PSME1: variants seen among roughly 807,000 people sequenced by gnomAD.
The protein encoded by PSME1 is proteasome activator complex subunit 1.
PSME1 carries 15 observed loss-of-function variants against 38.4 expected under a neutral mutation model. The ratio of observed to expected loss-of-function variants is 0.39; its 90% CI spans 0.26 to 0.60. The LOEUF (loss-of-function observed/expected upper bound fraction) is 0.60, where lower values mean the gene tolerates loss of function less well. Ranked by LOEUF, PSME1 falls within the 20% of genes least tolerant of loss-of-function variation. The probability of loss-of-function intolerance (pLI) is 0.53; values close to 1 mark genes in which losing one functional copy is unlikely to be tolerated. For missense variants in PSME1, 249 were observed against 305.6 expected, an observed-to-expected ratio of 0.81 and a Z score of 1.38; for synonymous variants, 106 against 106.8, an observed-to-expected ratio of 0.99 and a Z score of 0.05.
rs950509825 is a variant in PSME1, at chr14:24,136,455, A to T, written c.39+154A>T. ...CACCTGCGCCCCGGGGAGGGCGGCG[A>T]CTGCTGCCTGCGGGGAGAGGCGAGG... On this transcript the variant is annotated intron_variant, in intron 1 of 10. Coordinates refer to ENST00000206451, the MANE Select transcript of PSME1 (RefSeq NM_006263.4). The surrounding 1 kb of genome is among the most constrained non-coding windows in gnomAD (Gnocchi z 4.8). The T allele has an allele frequency of 1.0e-5, 7 of 700,932 alleles. No individual in the cohort carries two copies. The allele number at this position is 700,932 out of a possible 1,614,324, so 43.4% of individuals were successfully genotyped here. A position where few individuals can be genotyped will look rare whatever the true frequency, so the allele number is the denominator to read the frequency against.
Position 24,136,466 on chromosome 14 carries a change from C to CG in PSME1, c.39+169dup. The CG allele has an allele frequency of 1.6e-6, 1 of 635,384 alleles. No homozygotes were observed. The highest frequency in any genetic ancestry group is 2.5e-6 in the Non-Finnish European group (1 of 408,064). The allele number at this position is 635,384 out of a possible 1,614,324, so 39.4% of individuals were successfully genotyped here. On this transcript the variant is annotated intron_variant, in intron 1 of 10. Transcript: ENST00000206451. The surrounding 1 kb of genome is among the most constrained non-coding windows in gnomAD (Gnocchi z 4.8). ...CGGGGAGGGCGGCGACTGCTGCCTGCGGGGAGAGGCGAGGCGGCCGTGGTT... is the reference window on the plus strand; with the variant it reads ...CGGGGAGGGCGGCGACTGCTGCCTGCGGGGGAGAGGCGAGGCGGCCGTGGTT...
rs761280745 is a variant in PSME1 at position 24,138,515 on chromosome 14, G to A, written c.624G>A (p.Glu208=). ...RQLVHELDEA[E]YRDIRLMVME... Reference sequence around the variant, plus strand: ...TGGTGCACGAGCTGGATGAGGCAGAGTACCGGGACATCCGGCTGATGGTCA... The same window carrying A: ...TGGTGCACGAGCTGGATGAGGCAGAATACCGGGACATCCGGCTGATGGTCA... The change falls in exon 10 of 11, where the codon GAG becomes GAA. Residue 208 remains glutamate, a synonymous_variant. Coordinates refer to ENST00000206451, the MANE Select transcript of PSME1 (RefSeq NM_006263.4). 1.2e-6 allele frequency: 2 copies of A among 1,614,022 alleles called. No homozygotes were observed. The highest frequency in any genetic ancestry group is 2.2e-5 in the South Asian group (2 of 91,086).
In PSME1 at chr14:24,137,223, G is replaced by A. The variant is rs754236361; in HGVS notation, c.135+18G>A. ...TTTTAAAGGTACCGCGGCTGGGCAG[G>A]GAGCTAGGGAGTAAAGGCCAAGAGA... On this transcript the variant is annotated intron_variant, in intron 3 of 10. Transcript: ENST00000206451. 6.2e-7 allele frequency: 1 copy of A among 1,613,562 alleles called. No individual in the cohort carries two copies. The highest frequency in any genetic ancestry group is 8.5e-7 in the Non-Finnish European group (1 of 1,179,476).
chr14:24,137,506 C>T lies in PSME1; in HGVS notation c.247-14C>T, dbSNP rs751835822. The T allele has an allele frequency of 6.9e-6, 11 of 1,600,826 alleles. No individual in the cohort carries two copies. The Admixed American group carries it at 8.4e-5, about 12-fold the overall frequency. The stretch of plus-strand genomic sequence containing the variant: ...CCTTAGTCCTGACTCTCATGAGCTC[C>T]TCTCTTTCTGCAGAAGGAAGACAAG... On this transcript the variant is annotated splice_polypyrimidine_tract_variant and intron_variant, in intron 4 of 10. Transcript: ENST00000206451.
chr14:24,138,010 A>G (rs1187840895), intron 6 of PSME1, 39 bp from the exon 7 acceptor site: 7 of 1,605,164 alleles, frequency 4.4e-6, no homozygotes, highest in Non-Finnish European at 6.0e-6. Context: ...GGAATTGGGT[A>G]GAGGGCTGAT....
chr14:24,138,597 C>G (rs1396774154), intron 10 of PSME1, 37 bp downstream of exon 10: 3 of 1,613,916 alleles, frequency 1.9e-6, no homozygotes, highest in Non-Finnish European at 2.5e-6. Context: ...TGGGCAGAGG[C>G]AGCTTTCCCA....
At chr14:24,137,248 AAG>A (rs1169453761) in intron 3 of PSME1, 43 bp downstream of exon 3, 2 of 1,611,644 alleles carry the variant, frequency 1.2e-6, no homozygotes, top group Admixed American at 3.3e-5. Context: ...AGGCCAAGAG[AAG>A]AGTCTGGAGG....
Position 24,138,039 on chromosome 14 carries a change from C to A in PSME1, c.391-10C>A. 1 of 1,614,124 alleles carries A rather than the reference C, an allele frequency of 6.2e-7. No homozygotes were observed. The highest frequency in any genetic ancestry group is 1.1e-5 in the South Asian group (1 of 91,084). On this transcript the variant is annotated splice_polypyrimidine_tract_variant and intron_variant, in intron 6 of 10. Transcript: ENST00000206451. The stretch of plus-strand genomic sequence containing the variant: ...GGCTGATGTGGCATTATGCCATTCC[C>A]TCTTCCCAGGTCACCACCTGGTTGC...
In PSME1 at chr14:24,138,769, G is replaced by A. The variant is rs759676431; in HGVS notation, c.703G>A (p.Glu235Lys). 21 of 1,614,168 alleles carry A rather than the reference G, an allele frequency of 1.3e-5. No individual in the cohort carries two copies. Among genetic ancestry groups the A allele is most frequent in the East Asian group, 6.7e-5 (3 of 44,882 alleles). ...ATATGACATCATCCTGAAGAACTTC[G>A]AGAAGCTCAAGAAGCCCAGGGGAGA... ...VLYDIILKNFEKLKKPRGETK... is the reference protein window; with the variant it reads ...VLYDIILKNFKKLKKPRGETK... The change falls in exon 11 of 11, where the codon GAG (glutamate) becomes AAG (lysine). Residue 235 changes from glutamate to lysine, a missense_variant. By Grantham distance (56) the Glu-to-Lys change is moderately conservative. Transcript: ENST00000206451.
In PSME1 at chr14:24,137,693, TC is replaced by T; in HGVS notation, c.293-6del. 1 of 1,613,876 alleles carries T rather than the reference TC, an allele frequency of 6.2e-7. No individual in the cohort carries two copies. The highest frequency in any genetic ancestry group is 1.7e-5 in the Admixed American group (1 of 60,030). On this transcript the variant is annotated splice_region_variant and splice_polypyrimidine_tract_variant and intron_variant, in intron 5 of 10. Transcript: ENST00000206451. ...ATCATGTGACTGACCCATTGCTCAC[TC>T]TCTAGGTCCTCCCTGTGGCCCAGTG...
rs2037944533 is a variant in PSME1, at chr14:24,138,063, G to A, written c.405G>A (p.Leu135=). The A allele has an allele frequency of 2.5e-6, 4 of 1,614,260 alleles. No homozygotes were observed. The highest frequency in any genetic ancestry group is 3.4e-6 in the Non-Finnish European group (4 of 1,180,034). ...CCTCTTCCCAGGTCACCACCTGGTTGCAGCTGCAGATACCTCGGATTGAGG... is the reference window on the plus strand; with the variant it reads ...CCTCTTCCCAGGTCACCACCTGGTTACAGCTGCAGATACCTCGGATTGAGG... ...IEQLNLVTTW[L]QLQIPRIEDG... Residue 135 remains leucine, a synonymous_variant, in exon 7 of 11, where the codon TTG becomes TTA. Transcript: ENST00000206451.
rs2037910743 is a variant in PSME1 at position 24,136,855 on chromosome 14, C to T, written c.40-130C>T. ...ACCCTACAGGCATCCATCTCGCTTT[C>T]TTCAGGTCTGGCCTTAGAGGGATCC... On this transcript the variant is annotated intron_variant, in intron 1 of 10. Coordinates refer to ENST00000206451, the MANE Select transcript of PSME1 (RefSeq NM_006263.4). The surrounding 1 kb of genome is among the most constrained non-coding windows in gnomAD (Gnocchi z 4.8). 1.8e-6 allele frequency: 2 copies of T among 1,084,304 alleles called. No individual in the cohort carries two copies. The highest frequency in any genetic ancestry group is 1.4e-6 in the Non-Finnish European group (1 of 715,656). The allele number at this position is 1,084,304 out of a possible 1,614,324, so 67.2% of individuals were successfully genotyped here. A position where few individuals can be genotyped will look rare whatever the true frequency, so the allele number is the denominator to read the frequency against.
chr14:24,136,239 G>C lies in PSME1; in HGVS notation c.-24G>C, dbSNP rs1198748071. The C allele has an allele frequency of 1.3e-6, 2 of 1,517,910 alleles. No homozygotes were observed. The highest frequency in any genetic ancestry group is 1.8e-6 in the Non-Finnish European group (2 of 1,133,884). 94.0% of individuals were successfully genotyped at this position (1,517,910 alleles called of 1,614,324 possible). ...GCGGTGCCCACTCCACTCCTTGTGC[G>C]GCGCTAGGCCCCCCGTCCCGGTCAT... On this transcript the variant is annotated 5_prime_UTR_variant, in exon 1 of 11. Transcript: ENST00000206451. This position sits in a 1 kb window ranked among gnomAD's most constrained non-coding sequence, Gnocchi z 4.8.
chr14:24,137,501 A>T lies in PSME1; in HGVS notation c.247-19A>T. ...ATCAACCTTAGTCCTGACTCTCATG[A>T]GCTCCTCTCTTTCTGCAGAAGGAAG... is the stretch of plus-strand genomic sequence containing the variant. On this transcript the variant is annotated intron_variant, in intron 4 of 10. Transcript: ENST00000206451. 1 of 1,613,780 alleles carries T rather than the reference A, an allele frequency of 6.2e-7. No homozygotes were observed. Among genetic ancestry groups the T allele is most frequent in the Non-Finnish European group, 8.5e-7 (1 of 1,180,024 alleles).
chr14:24,136,725 A>G lies in PSME1; in HGVS notation c.40-260A>G, dbSNP rs1433192100. 6.6e-6 allele frequency among the ~76,000 whole-genome samples: 1 copy of G among 150,924 alleles called. No homozygotes were observed. The highest frequency in any genetic ancestry group is 1.5e-5 in the Non-Finnish European group (1 of 67,708). The stretch of plus-strand genomic sequence containing the variant: ...GTTCTCACGTGAACACTGGCCCTTC[A>G]CCGCCAGGAATGTTCTCATCCCCCA... On this transcript the variant is annotated intron_variant, in intron 1 of 10. Transcript: ENST00000206451. This position sits in a 1 kb window ranked among gnomAD's most constrained non-coding sequence, Gnocchi z 4.8.
chr14:24,137,299 C>T (rs2037922763), intron 3 of PSME1, 22 bp from the exon 4 acceptor site: 1 of 1,612,550 alleles, frequency 6.2e-7, no homozygotes, highest in African/African-American at 1.3e-5. Flanking sequence ...TCACCTCCAG[C>T]CCTCCTCCCA....
Position 24,137,354 on chromosome 14 carries a change from C to A in PSME1, c.169C>A (p.Leu57Met), listed in dbSNP as rs138520310. 8 of 1,614,008 alleles carry A rather than the reference C, an allele frequency of 5.0e-6. No individual in the cohort carries two copies. In the African/African-American group the frequency reaches 8.0e-5, roughly 16 times the overall value. ...TCTCAATGAAGCCAACTTGAGCAAT[C>A]TGAAGGCCCCATTGGACATCCCAGT... is the stretch of plus-strand genomic sequence containing the variant. ...PALNEANLSN[L>M]KAPLDIPVPD... The change falls in exon 4 of 11, where the codon CTG becomes ATG. Residue 57 changes from leucine (L) to methionine (M), a missense_variant. Leu to Met is a conservative substitution (Grantham distance 15). Transcript: ENST00000206451.
At position 24,137,243 on chromosome 14, in the gene PSME1, A is replaced by G. The variant is rs7147309; in HGVS notation, c.135+38A>G. On this transcript the variant is annotated intron_variant, in intron 3 of 10. Coordinates refer to ENST00000206451, the MANE Select transcript of PSME1 (RefSeq NM_006263.4). ...GGCAGGGAGCTAGGGAGTAAAGGCC[A>G]AGAGAAGAGTCTGGAGGCTGTGAGA... The G allele has an allele frequency of 0.016, 25,101 of 1,612,016 alleles. 2,660 individuals carry two copies. The Admixed American group carries it at 0.26, about 17-fold the overall frequency.
At position 24,137,318 on chromosome 14, in the gene PSME1, C is replaced by G; in HGVS notation, c.136-3C>G. On this transcript the variant is annotated splice_region_variant and splice_polypyrimidine_tract_variant and intron_variant, in intron 3 of 10. Transcript: ENST00000206451. Reference sequence around the variant, plus strand: ...CTCCAGCCCTCCTCCCACCCTACACCAGGAGCCAGCTCTCAATGAAGCCAA... The same window carrying G: ...CTCCAGCCCTCCTCCCACCCTACACGAGGAGCCAGCTCTCAATGAAGCCAA... 3 of 1,613,916 alleles carry G rather than the reference C, an allele frequency of 1.9e-6. No homozygotes were observed. Among genetic ancestry groups the G allele is most frequent in the Non-Finnish European group, 2.5e-6 (3 of 1,179,902 alleles).
Sources: allele counts gnomAD v4.1 joint callset (sites outside exome capture counted in the v4.1 genomes callset), GRCh38; gene constraint gnomAD v4.1.1; non-coding constraint Gnocchi (gnomAD v3.1); transcripts MANE v1.5; gene names NCBI Gene and HGNC (gene_info 2026-07-23, HGNC 2026-07-21).